Variants in PSPH observed in about 807,000 individuals in gnomAD.
The protein encoded by PSPH is phosphoserine phosphatase.
In PSPH, 16 loss-of-function variants were observed where a neutral mutation model predicts 23.4. The ratio of observed to expected loss-of-function variants is 0.68; its 90% CI spans 0.46 to 1.04. The LOEUF (loss-of-function observed/expected upper bound fraction) is 1.04, where lower values mean the gene tolerates loss of function less well. PSPH is among the 50% of genes least tolerant of loss of function. The probability of loss-of-function intolerance (pLI) is 0.00; values close to 1 mark genes in which losing one functional copy is unlikely to be tolerated. For synonymous variants in PSPH, 68 were observed against 99.7 expected (o/e 0.68, Z 1.89); for missense variants, 223 against 273.7 (o/e 0.81, Z 1.31).
chr7:56,022,025 C>T (rs1044979971), intron 3 of PSPH, among the ~76,000 whole-genome samples: 1 of 149,352 alleles, frequency 6.7e-6, no homozygotes, highest in Non-Finnish European at 1.5e-5. Flanking sequence ...TTAGCCTTAT[C>T]TATGAAACAG....
At chr7:56,031,227 AAAAACAAAC>A (rs1318387278) in intron 3 of PSPH, among the ~76,000 whole-genome samples, 6 of 151,708 alleles carry the variant, frequency 4.0e-5, no homozygotes, top group African/African-American at 1.2e-4. Flanking sequence ...CAAAAAAAAA[AAAAACAAAC>A]AAAACAAACA....
intron 1 of PSPH, among the ~76,000 whole-genome samples, chr7:56,034,992 C>G (rs1174079665): frequency 6.6e-6 from 1 of 152,128 alleles, no homozygotes; most frequent in Non-Finnish European, 1.5e-5. Flanking sequence ...CCTCCTTGGC[C>G]TCCCAAAGTG....
intron 1 of PSPH, among the ~76,000 whole-genome samples, chr7:56,040,536 G>A (rs1010777530): frequency 6.6e-6 from 1 of 151,894 alleles, no homozygotes; most frequent in Non-Finnish European, 1.5e-5. Flanking sequence ...TCTTATAATG[G>A]AAAAAGTGGG....
At chr7:56,033,746 T>G (rs1343658060) in intron 2 of PSPH, among the ~76,000 whole-genome samples, 2 of 152,136 alleles carry the variant, frequency 1.3e-5, no homozygotes, top group African/African-American at 4.8e-5. Flanking sequence ...GCATCATTCA[T>G]TCATGCTGTT....
At chr7:56,035,568 C>T (rs1172858070) in intron 1 of PSPH, among the ~76,000 whole-genome samples, 1 of 152,062 alleles carries the variant, frequency 6.6e-6, no homozygotes. Flanking sequence ...TGGGGCAGGA[C>T]ACTTGGTCAC....
chr7:56,031,007 C>T lies in PSPH; in HGVS notation c.-20+922G>A, dbSNP rs576260737. Among the ~76,000 whole-genome samples the T allele has an allele frequency of 6.0e-5, 9 of 150,736 alleles. No homozygotes were observed. The South Asian group carries it at 6.3e-4, about 11-fold the overall frequency. ...CGGGTGGATCATGAGGTCAGGAGAT[C>T]GAGACCATCCTGGCTAACAAGGTGA... is the stretch of plus-strand genomic sequence containing the variant. On this transcript the variant is annotated intron_variant, in intron 3 of 7. Coordinates refer to ENST00000275605, the MANE Select transcript of PSPH (RefSeq NM_004577.4).
At chr7:56,050,441 T>C (rs1056593392) in intron 1 of PSPH, among the ~76,000 whole-genome samples, 1 of 152,110 alleles carries the variant, frequency 6.6e-6, no homozygotes, top group African/African-American at 2.4e-5. Flanking sequence ...AATTTTTGTA[T>C]TTGTTGTATA....
At chr7:56,025,634 G>T (rs1418943660) in intron 3 of PSPH, among the ~76,000 whole-genome samples, 2 of 151,940 alleles carry the variant, frequency 1.3e-5, no homozygotes, top group African/African-American at 2.4e-5. Flanking sequence ...TGTCACCCAG[G>T]CTGGAGTGTA....
Position 56,021,100 on chromosome 7 carries a change from C to T in PSPH, c.113G>A (p.Cys38Tyr). 2 of 1,614,212 alleles carry T rather than the reference C, an allele frequency of 1.2e-6. No homozygotes were observed. Among genetic ancestry groups the T allele is most frequent in the Non-Finnish European group, 8.5e-7 (1 of 1,180,044 alleles). ...EEGIDELAKI[C>Y]GVEDAVSEMT... ...TTCTGACACCGCGTCCTCAACGCCA[C>T]AGATTTTGGCTAGCTCATCGATTCC... The change falls in exon 4 of 8, where the codon TGT becomes TAT. Residue 38 changes from cysteine (C) to tyrosine (Y), a missense_variant. Coordinates refer to ENST00000275605, the MANE Select transcript of PSPH (RefSeq NM_004577.4).
intron 7 of PSPH, 41 bp downstream of exon 7, chr7:56,014,982 A>G: frequency 6.5e-7 from 1 of 1,544,986 alleles, no homozygotes; most frequent in Non-Finnish European, 8.7e-7. Flanking sequence ...AAATAAAACA[A>G]AAGTACAACC....
At chr7:56,049,124 C>T (rs1188108885) in intron 1 of PSPH, among the ~76,000 whole-genome samples, 3 of 151,590 alleles carry the variant, frequency 2.0e-5, no homozygotes, top group Admixed American at 6.6e-5. Context: ...CGAGGTTTCA[C>T]CGTGTTAGCC....
intron 3 of PSPH, among the ~76,000 whole-genome samples, 174 bp downstream of exon 3, chr7:56,031,755 A>C (rs565337928): frequency 6.6e-6 from 1 of 152,200 alleles, no homozygotes; most frequent in Non-Finnish European, 1.5e-5. Context: ...TGGAGGTTGC[A>C]GTAAGCCAAG....
intron 2 of PSPH, chr7:56,033,477 G>C (rs1413930989): frequency 6.9e-6 from 1 of 145,830 alleles, no homozygotes; most frequent in Non-Finnish European, 1.5e-5. Context: ...CAGCCTGGGC[G>C]ACAGAACGAG....
chr7:56,034,816 A>G (rs1791518726), intron 1 of PSPH, among the ~76,000 whole-genome samples: 1 of 151,216 alleles, frequency 6.6e-6, no homozygotes, highest in African/African-American at 2.4e-5. Context: ...ACGCCCGGCC[A>G]AGACTACTTA....
intron 1 of PSPH, among the ~76,000 whole-genome samples, chr7:56,040,976 A>G (rs1193301942): frequency 2.0e-5 from 3 of 152,050 alleles, no homozygotes; most frequent in Non-Finnish European, 4.4e-5. Flanking sequence ...TGAACATCTT[A>G]TGGGCAGAGT....
intron 3 of PSPH, among the ~76,000 whole-genome samples, chr7:56,023,937 T>C (rs1265760364): frequency 6.6e-6 from 1 of 152,072 alleles, no homozygotes; most frequent in Non-Finnish European, 1.5e-5. Flanking sequence ...TTTTTGTTTT[T>C]TTTGTTTGAG....
chr7:56,034,864 A>G (rs1331621983), intron 1 of PSPH, among the ~76,000 whole-genome samples: 1 of 151,848 alleles, frequency 6.6e-6, no homozygotes, highest in African/African-American at 2.4e-5. Flanking sequence ...TAACAAAATG[A>G]GAGTCTTTGC....
chr7:56,025,045 C>T (rs1789998968), intron 3 of PSPH, among the ~76,000 whole-genome samples: 1 of 151,830 alleles, frequency 6.6e-6, no homozygotes. Flanking sequence ...CTCAAATGAT[C>T]CTCCTGCCTC....
At chr7:56,037,420 CTTT>C (rs533011383) in intron 1 of PSPH, among the ~76,000 whole-genome samples, 2 of 146,000 alleles carry the variant, frequency 1.4e-5, no homozygotes, top group Middle Eastern at 3.6e-3. Flanking sequence ...GTTTTCTTTC[CTTT>C]TTTTTTTTTT....
Sources: gnomAD v4.1 joint callset for allele counts (sites outside exome capture counted in the v4.1 genomes callset) on GRCh38, gnomAD v4.1.1 for gene constraint, MANE v1.5 for transcripts, NCBI Gene and HGNC (gene_info 2026-07-23, HGNC 2026-07-21) for gene names.